Variants in RCAN3 observed in about 807,000 individuals in gnomAD.
The protein encoded by RCAN3 is regulator of calcineurin 3, also known as calcipressin-3.
A neutral mutation model predicts 21.9 loss-of-function variants in RCAN3; 19 were observed. The ratio of observed to expected loss-of-function variants is 0.87; its 90% confidence interval spans 0.61 to 1.27. The LOEUF (loss-of-function observed/expected upper bound fraction) is 1.27. Ranked by LOEUF, RCAN3 falls within the 50% of genes most tolerant of loss-of-function variation. The probability of loss-of-function intolerance (pLI) is 0.00; values close to 1 mark genes in which losing one functional copy is unlikely to be tolerated. For missense variants in RCAN3, 240 were observed against 300.1 expected (o/e 0.80, Z 1.48); for synonymous variants, 114 against 112.3 (o/e 1.01, Z -0.09).
chr1:24,504,091 A>T (rs1008138723), intron 1 of RCAN3, among the ~76,000 whole-genome samples: 4 of 152,228 alleles, frequency 2.6e-5, no homozygotes, highest in African/African-American at 9.7e-5. Flanking sequence ...ATCCAGGAAG[A>T]CTGTGAAAAG....
In RCAN3 at chr1:24,535,350, C is replaced by T; in HGVS notation, c.*73C>T. 3 of 1,460,058 alleles carry T rather than the reference C, an allele frequency of 2.1e-6. No individual in the cohort carries two copies. Among genetic ancestry groups the T allele is most frequent in the Non-Finnish European group, 2.7e-6 (3 of 1,104,322 alleles). 90.4% of individuals were successfully genotyped at this position (1,460,058 alleles called of 1,614,324 possible). A position where few individuals can be genotyped will look rare whatever the true frequency, so the allele number is the denominator to read the frequency against. On this transcript the variant is annotated 3_prime_UTR_variant, in exon 5 of 5. Coordinates refer to ENST00000374395, the MANE Select transcript of RCAN3 (RefSeq NM_013441.4). Reference sequence around the variant, plus strand: ...TGGCGCTCTGTGCCTGCGGCCGATGCGTTGCTGCGAACAGCATAGGTGAGA... The same window carrying T: ...TGGCGCTCTGTGCCTGCGGCCGATGTGTTGCTGCGAACAGCATAGGTGAGA...
chr1:24,513,868 A>G (rs1306151196), intron 1 of RCAN3, among the ~76,000 whole-genome samples: 1 of 152,228 alleles, frequency 6.6e-6, no homozygotes, highest in African/African-American at 2.4e-5. Flanking sequence ...ATCACAGACC[A>G]TATTTCAGGG....
At chr1:24,503,933 G>A (rs775619557) in intron 1 of RCAN3, among the ~76,000 whole-genome samples, 1 of 152,196 alleles carries the variant, frequency 6.6e-6, no homozygotes, top group African/African-American at 2.4e-5. Context: ...GATTACATAC[G>A]ATGTAAAGTA....
rs1650297996 is a variant in RCAN3 at position 24,537,570 on chromosome 1, T to G, written c.*2293T>G. 1 of 150,408 alleles carries G rather than the reference T, an allele frequency of 6.6e-6. No individual in the cohort carries two copies. Among genetic ancestry groups the G allele is most frequent in the African/African-American group, 2.5e-5 (1 of 40,758 alleles). The allele number at this position is 150,408 out of a possible 1,614,324, so 9.3% of individuals were successfully genotyped here. A position where few individuals can be genotyped will look rare whatever the true frequency, so the allele number is the denominator to read the frequency against. On this transcript the variant is annotated 3_prime_UTR_variant, in exon 5 of 5. Transcript: ENST00000374395. ...TTTTTTTTCTTTTAATAGGCTTTTC[T>G]GCAATTTTTTTGAAATTGAGTTATT... is the stretch of plus-strand genomic sequence containing the variant.
intron 2 of RCAN3, among the ~76,000 whole-genome samples, chr1:24,523,592 A>G (rs1648992515): frequency 2.0e-5 from 3 of 147,270 alleles, no homozygotes; most frequent in Admixed American, 1.4e-4. Context: ...TCAAATCTAT[A>G]TTATTTCTAA....
chr1:24,528,546 C>T (rs998464966), intron 2 of RCAN3, among the ~76,000 whole-genome samples: 2 of 152,128 alleles, frequency 1.3e-5, no homozygotes, highest in African/African-American at 4.8e-5. Flanking sequence ...GAAAGCTACA[C>T]CAGCTATATT....
intron 1 of RCAN3, among the ~76,000 whole-genome samples, chr1:24,511,969 G>A (rs1647922195): frequency 6.6e-6 from 1 of 152,164 alleles, no homozygotes; most frequent in African/African-American, 2.4e-5. Flanking sequence ...TTTCCCAGAA[G>A]CTGGTAGGAA....
chr1:24,532,834 C>T (rs61775223), intron 3 of RCAN3, among the ~76,000 whole-genome samples: 20,987 of 149,302 alleles, frequency 0.14, 1,550 homozygotes, highest in African/African-American at 0.16. Context: ...CACCTGTAGT[C>T]CCAGCTACTC....
At chr1:24,532,948 CAAAAAAAAAAAAAAA>C in intron 3 of RCAN3, 120 bp from the exon 4 acceptor site, 3 of 92,532 alleles carry the variant, frequency 3.2e-5, no homozygotes, top group Non-Finnish European at 4.5e-5. Flanking sequence ...GACTCCGTCT[CAAAAAAAAAAAAAAA>C]AAAAAAAAAA....
chr1:24,519,190 C>A (rs553227265), intron 2 of RCAN3, among the ~76,000 whole-genome samples: 67 of 150,608 alleles, frequency 4.4e-4, no homozygotes, highest in Admixed American at 2.9e-3. Context: ...TTATTACAGG[C>A]GTGAGCCACT....
At chr1:24,515,760 T>G (rs2148897468) in intron 2 of RCAN3, among the ~76,000 whole-genome samples, 1 of 152,244 alleles carries the variant, frequency 6.6e-6, no homozygotes, top group African/African-American at 2.4e-5. Flanking sequence ...AGCTTCTGCC[T>G]CATGGTGTCC....
chr1:24,506,216 A>G lies in RCAN3; in HGVS notation c.-60+3066A>G, dbSNP rs1245039534. 3.9e-5 allele frequency among the ~76,000 whole-genome samples: 6 copies of G among 152,172 alleles called. No individual in the cohort carries two copies. The South Asian group carries it at 6.2e-4, about 16-fold the overall frequency. ...GTCTTGTGATAGTTGGAGTGGAGCT[A>G]TAATTATACCACTGCACTCTAGCCC... On this transcript the variant is annotated intron_variant, in intron 1 of 4. Transcript: ENST00000374395.
chr1:24,523,996 T>A (rs1394705926), intron 2 of RCAN3, among the ~76,000 whole-genome samples: 1 of 152,014 alleles, frequency 6.6e-6, no homozygotes, highest in Non-Finnish European at 1.5e-5. Context: ...GAGGCCGAGG[T>A]GGGTGGATCA....
rs1490715493 is a variant in RCAN3 at position 24,536,001 on chromosome 1, G to T, written c.*724G>T. On this transcript the variant is annotated 3_prime_UTR_variant, in exon 5 of 5. Transcript: ENST00000374395. The stretch of plus-strand genomic sequence containing the variant: ...CAGACATGGCTGCCCAGGAAGGACG[G>T]CCACTTTAGAAGTGGGACGTATCAC... 1 of 151,352 alleles carries T rather than the reference G, an allele frequency of 6.6e-6. No individual in the cohort carries two copies. Among genetic ancestry groups the T allele is most frequent in the African/African-American group, 2.5e-5 (1 of 40,644 alleles). 9.4% of individuals were successfully genotyped at this position (151,352 alleles called of 1,614,324 possible).
chr1:24,514,633 A>G (rs1648148731), intron 2 of RCAN3, 66 bp downstream of exon 2: 2 of 1,466,670 alleles, frequency 1.4e-6, no homozygotes, highest in Non-Finnish European at 1.9e-6. Flanking sequence ...TTGGGGAAAC[A>G]GAGCTTGACT....
At position 24,519,241 on chromosome 1, in the gene RCAN3, A is replaced by C. The variant is rs1341011346; in HGVS notation, c.195+4674A>C. On this transcript the variant is annotated intron_variant, in intron 2 of 4. Coordinates refer to ENST00000374395, the MANE Select transcript of RCAN3 (RefSeq NM_013441.4). Reference sequence around the variant, plus strand: ...TTTTTTTTTTTTTTTTTTAAGAGACAAGGTCTTGCTATGTTGCCCAGACTG... The same window carrying C: ...TTTTTTTTTTTTTTTTTTAAGAGACCAGGTCTTGCTATGTTGCCCAGACTG... Among the ~76,000 whole-genome samples, 3 of 148,316 alleles carry C rather than the reference A, an allele frequency of 2.0e-5. No individual in the cohort carries two copies. The East Asian group carries it at 5.9e-4, about 29-fold the overall frequency.
At chr1:24,512,532 GAGTAAAGATTTTACTTCTTAGAAGT>G (rs1191001672) in intron 1 of RCAN3, among the ~76,000 whole-genome samples, 3 of 152,228 alleles carry the variant, frequency 2.0e-5, no homozygotes, top group Middle Eastern at 3.4e-3. Flanking sequence ...ATATACAAAT[GAGTAAAGATTTTACTTCTTAGAAGT>G]AGTCTTGATT....
chr1:24,506,311 ATAAT>A lies in RCAN3; in HGVS notation c.-60+3163_-60+3166del, dbSNP rs1437494412. Among the ~76,000 whole-genome samples, 16 of 152,354 alleles carry A rather than the reference ATAAT, an allele frequency of 1.1e-4. No homozygotes were observed. The South Asian group carries it at 3.3e-3, about 32-fold the overall frequency. On this transcript the variant is annotated intron_variant, in intron 1 of 4. Transcript: ENST00000374395. The stretch of plus-strand genomic sequence containing the variant: ...ATAGATATCTTGGGACAAACGACAA[ATAAT>A]TTGACAATAATCTAAAGAAAAATTG...
chr1:24,517,390 T>G (rs954473620), intron 2 of RCAN3, among the ~76,000 whole-genome samples: 16 of 152,206 alleles, frequency 1.1e-4, no homozygotes, highest in Admixed American at 2.0e-4. Context: ...GTGCTGGTAT[T>G]ACAGGCGTGA....
Sources: allele counts gnomAD v4.1 joint callset (sites outside exome capture counted in the v4.1 genomes callset), GRCh38; gene constraint gnomAD v4.1.1; transcripts MANE v1.5; gene names NCBI Gene and HGNC (gene_info 2026-07-23, HGNC 2026-07-21).